RTL9: variants seen among roughly 807,000 people sequenced by gnomAD.
RTL9 encodes retrotransposon Gag like 9.
RTL9 carries 19 observed loss-of-function variants against 44.7 expected under a neutral mutation model. That is an observed-to-expected ratio of 0.42 (90% CI 0.30 to 0.62). The LOEUF (loss-of-function observed/expected upper bound fraction) is 0.62. Ranked by LOEUF, RTL9 falls within the 20% of genes least tolerant of loss-of-function variation. The probability of loss-of-function intolerance (pLI) is 0.16; values close to 1 mark genes in which losing one functional copy is unlikely to be tolerated. For synonymous variants in RTL9, 407 were observed against 398.9 expected, an observed-to-expected ratio of 1.02 and a Z score of -0.24; for missense variants, 1,105 against 1,080.6, an observed-to-expected ratio of 1.02 and a Z score of -0.32.
chrX:110,396,437 TC>T (rs373103405), intron 1 of RTL9, among the ~76,000 whole-genome samples: 6,380 of 110,959 alleles, frequency 0.057, 211 homozygotes, highest in African/African-American at 0.12. Context: ...GAAATTATTA[TC>T]CCCCCCATCG....
chrX:110,400,503 G>C (rs2068557124), intron 1 of RTL9, among the ~76,000 whole-genome samples: 1 of 109,975 alleles, frequency 9.1e-6, no homozygotes, highest in Admixed American at 9.8e-5. Flanking sequence ...TACCTCTTCT[G>C]ACTCCTCCTA....
chrX:110,451,345 C>T (rs1362354626), exon 1 of RTL9: 3 of 1,211,969 alleles, frequency 2.5e-6, no homozygotes, highest in South Asian at 3.5e-5. Context: ...GAAGCAATGT[C>T]CAAAGTGCTA....
chrX:110,422,331 C>T (rs1380998119), intron 1 of RTL9, among the ~76,000 whole-genome samples: 1 of 112,822 alleles, frequency 8.9e-6, no homozygotes, highest in East Asian at 2.8e-4. Context: ...TTGCCATGTG[C>T]CACTCAGTGT....
intron 1 of RTL9, among the ~76,000 whole-genome samples, chrX:110,366,421 G>A (rs778271517): frequency 8.9e-6 from 1 of 111,741 alleles, no homozygotes; most frequent in East Asian, 2.8e-4. Flanking sequence ...AGAGATGGTG[G>A]TGAGGGACTA....
chrX:110,403,142 C>A (rs1370308716), intron 1 of RTL9, among the ~76,000 whole-genome samples: 2 of 111,390 alleles, frequency 1.8e-5, no homozygotes, highest in Non-Finnish European at 3.8e-5. Context: ...GCTTTCCCTG[C>A]CCCTGTTCTT....
chrX:110,379,468 G>A (rs1291584182), intron 1 of RTL9, among the ~76,000 whole-genome samples: 3 of 112,221 alleles, frequency 2.7e-5, no homozygotes, highest in African/African-American at 6.5e-5. Flanking sequence ...GCCTCTCATG[G>A]CTTTCTGCTC....
intron 1 of RTL9, among the ~76,000 whole-genome samples, chrX:110,363,932 T>G (rs1419647402): frequency 8.9e-6 from 1 of 112,187 alleles, no homozygotes; most frequent in East Asian, 2.8e-4. Flanking sequence ...AGAGGTTATG[T>G]GACTTAAGCC....
At chrX:110,389,404 C>T (rs1436772175) in intron 1 of RTL9, among the ~76,000 whole-genome samples, 1 of 111,859 alleles carries the variant, frequency 8.9e-6, no homozygotes, top group Non-Finnish European at 1.9e-5. Flanking sequence ...CACTGGGAGT[C>T]AAAACATCTG....
At chrX:110,406,260 C>A (rs2068600834) in intron 1 of RTL9, among the ~76,000 whole-genome samples, 1 of 108,379 alleles carries the variant, frequency 9.2e-6, no homozygotes. Context: ...CTCCCCTAGC[C>A]CCCCACGCCC....
At chrX:110,428,615 G>A (rs2068771818) in intron 1 of RTL9, among the ~76,000 whole-genome samples, 1 of 110,579 alleles carries the variant, frequency 9.0e-6, no homozygotes, top group Non-Finnish European at 1.9e-5. Flanking sequence ...CCCTCTCCAA[G>A]ATGTGGCTTT....
At chrX:110,440,464 C>T (rs1170941336) in intron 1 of RTL9, among the ~76,000 whole-genome samples, 3 of 111,790 alleles carry the variant, frequency 2.7e-5, no homozygotes, top group Non-Finnish European at 5.6e-5. Flanking sequence ...GGAACTCAAG[C>T]CATGAGCTTA....
At chrX:110,364,887 G>C (rs1444834856) in intron 1 of RTL9, among the ~76,000 whole-genome samples, 1 of 112,130 alleles carries the variant, frequency 8.9e-6, no homozygotes, top group Non-Finnish European at 1.9e-5. Flanking sequence ...TCCCTGTAGT[G>C]CCAACTATAT....
chrX:110,388,736 C>A (rs769960741), intron 1 of RTL9, among the ~76,000 whole-genome samples: 17 of 111,772 alleles, frequency 1.5e-4, no homozygotes, highest in African/African-American at 4.6e-4. Context: ...CTAACAAGTT[C>A]TCAGGTGATG....
chrX:110,369,696 T>G (rs749248173), intron 1 of RTL9, among the ~76,000 whole-genome samples: 1 of 112,221 alleles, frequency 8.9e-6, no homozygotes, highest in East Asian at 2.8e-4. Flanking sequence ...TATTGTGAAT[T>G]TTTTAGAGAT....
chrX:110,412,215 T>C (rs2148310397), intron 1 of RTL9, among the ~76,000 whole-genome samples: 1 of 112,784 alleles, frequency 8.9e-6, no homozygotes, highest in South Asian at 3.7e-4. Flanking sequence ...TCATTCACTC[T>C]TGATGCACAT....
chrX:110,363,368 G>C (rs964976266), intron 1 of RTL9, among the ~76,000 whole-genome samples: 4 of 111,829 alleles, frequency 3.6e-5, no homozygotes, highest in Non-Finnish European at 5.6e-5. Flanking sequence ...CATTCTCAGG[G>C]GCTTAAGCTG....
chrX:110,441,986 T>C (rs1423023943), intron 1 of RTL9, among the ~76,000 whole-genome samples: 1 of 111,108 alleles, frequency 9.0e-6, no homozygotes, highest in Non-Finnish European at 1.9e-5. Flanking sequence ...CAAAGCCAGT[T>C]AGGAGCAATG....
intron 1 of RTL9, among the ~76,000 whole-genome samples, chrX:110,407,623 C>T (rs1348392263): frequency 8.9e-6 from 1 of 111,971 alleles, no homozygotes; most frequent in Non-Finnish European, 1.9e-5. Context: ...ATGAGATAGA[C>T]CCTGGACTTG....
chrX:110,410,558 A>C (rs1384922572), intron 1 of RTL9, among the ~76,000 whole-genome samples: 1 of 111,988 alleles, frequency 8.9e-6, no homozygotes, highest in Non-Finnish European at 1.9e-5. Context: ...TTGTTGTCTC[A>C]AGTAGCCTGA....
Sources: allele counts gnomAD v4.1 joint callset (sites outside exome capture counted in the v4.1 genomes callset), GRCh38; gene constraint gnomAD v4.1.1; transcripts MANE v1.5; gene names NCBI Gene and HGNC (gene_info 2026-07-23, HGNC 2026-07-21).